SNX25: variants seen among roughly 807,000 people sequenced by gnomAD.
SNX25 encodes the protein sorting nexin-25.
SNX25 carries 62 observed loss-of-function variants against 113.7 expected under a neutral mutation model. That is an observed-to-expected ratio of 0.55 (90% CI 0.44 to 0.67). The LOEUF (loss-of-function observed/expected upper bound fraction) is 0.67, where lower values mean the gene tolerates loss of function less well. SNX25 is among the 30% of genes least tolerant of loss of function. The pLI, the probability that SNX25 is intolerant of heterozygous loss-of-function variation, is 0.00. For synonymous variants in SNX25, 421 were observed against 436.2 expected (o/e 0.97, Z 0.43); for missense variants, 1,014 against 1,161.0 (o/e 0.87, Z 1.84).
At chr4:185,361,893 C>T (rs1385003462) in intron 16 of SNX25, 31 bp from the exon 17 acceptor site, 2 of 1,608,366 alleles carry the variant, frequency 1.2e-6, no homozygotes, top group Non-Finnish European at 1.7e-6. Flanking sequence ...TTTTTAAAAA[C>T]CTCATCCAAG....
chr4:185,207,594 A>G (rs538225355), upstream of SNX25: 21 of 152,166 alleles, frequency 1.4e-4, no homozygotes, highest in Admixed American at 9.2e-4. Flanking sequence ...GTAATATGAG[A>G]TGAGTAAATC....
intron 1 of SNX25, among the ~76,000 whole-genome samples, chr4:185,239,722 T>G (rs183916278): frequency 0.014 from 2,159 of 151,414 alleles, 42 homozygotes; most frequent in African/African-American, 0.045. Context: ...CGGTTTTTTT[T>G]TGTGTGTGTT....
At chr4:185,312,121 C>T (rs896520059) in intron 7 of SNX25, among the ~76,000 whole-genome samples, 7 of 152,124 alleles carry the variant, frequency 4.6e-5, no homozygotes, top group African/African-American at 1.7e-4. Context: ...TTTCTAGCCA[C>T]ATTTATTGTA....
intron 6 of SNX25, among the ~76,000 whole-genome samples, chr4:185,296,784 C>A (rs1047012770): frequency 2.0e-5 from 3 of 152,154 alleles, no homozygotes; most frequent in Non-Finnish European, 2.9e-5. Flanking sequence ...TTAGTTTGCT[C>A]GCAAAATTTT....
At chr4:185,223,295 C>G (rs535784801) in intron 1 of SNX25, among the ~76,000 whole-genome samples, 40 of 152,160 alleles carry the variant, frequency 2.6e-4, no homozygotes, top group Non-Finnish European at 4.9e-4. Context: ...TCCCTTCTAT[C>G]CTTTTATTTT....
intron 13 of SNX25, among the ~76,000 whole-genome samples, chr4:185,347,653 T>C (rs2126735226): frequency 6.6e-6 from 1 of 152,246 alleles, no homozygotes. Context: ...GTATTTTTAG[T>C]AGAGACGGGG....
chr4:185,310,368 GA>G (rs1311133575), intron 6 of SNX25, among the ~76,000 whole-genome samples: 2 of 152,220 alleles, frequency 1.3e-5, no homozygotes, highest in Non-Finnish European at 2.9e-5. Context: ...ACAGATTTGT[GA>G]GTGCATTTGT....
chr4:185,303,638 G>A (rs1008328694), intron 6 of SNX25, among the ~76,000 whole-genome samples: 2 of 133,494 alleles, frequency 1.5e-5, no homozygotes, highest in Non-Finnish European at 3.1e-5. Flanking sequence ...CAGCCTGGGC[G>A]ACAGAGCGAG....
At chr4:185,344,475 G>T (rs1579867537) in intron 12 of SNX25, among the ~76,000 whole-genome samples, 1 of 152,152 alleles carries the variant, frequency 6.6e-6, no homozygotes, top group African/African-American at 2.4e-5. Context: ...AAGGAGCGTG[G>T]TGTGCGCTTA....
Position 185,351,465 on chromosome 4 carries a change from A to G in SNX25, c.2322A>G (p.Arg774=), listed in dbSNP as rs771590440. The G allele has an allele frequency of 7.4e-5, 120 of 1,613,830 alleles. 2 individuals are homozygous for G. In the South Asian group the frequency reaches 1.3e-3, roughly 17 times the overall value. The change falls in exon 14 of 19, where the codon AGA becomes AGG. Residue 774 remains arginine, a synonymous_variant. Coordinates refer to ENST00000652585, the MANE Select transcript of SNX25 (RefSeq NM_001378034.2). ...CATAGAATCTGCTTTCAGATGAAAGACTGTGTCAGAGTGAAGCACTTTATG... is the reference window on the plus strand; with the variant it reads ...CATAGAATCTGCTTTCAGATGAAAGGCTGTGTCAGAGTGAAGCACTTTATG... The part of the protein sequence containing the change: ...KFLQNLLSDE[R]LCQSEALYAF...
intron 6 of SNX25, among the ~76,000 whole-genome samples, chr4:185,301,895 C>A (rs528504403): frequency 2.1e-5 from 3 of 145,916 alleles, no homozygotes; most frequent in African/African-American, 7.6e-5. Flanking sequence ...CCCTTAGTCA[C>A]ACGTTTTTTC....
At chr4:185,243,606 CA>C (rs956527255) in intron 1 of SNX25, among the ~76,000 whole-genome samples, 5 of 152,244 alleles carry the variant, frequency 3.3e-5, no homozygotes, top group East Asian at 1.9e-4. Flanking sequence ...TATCAAAAAA[CA>C]AAAAAACCCC....
At chr4:185,259,965 G>A (rs1747047776) in intron 3 of SNX25, among the ~76,000 whole-genome samples, 1 of 151,908 alleles carries the variant, frequency 6.6e-6, no homozygotes, top group African/African-American at 2.4e-5. Context: ...TCAGGTTTAC[G>A]AGGCCAAAAT....
intron 2 of SNX25, among the ~76,000 whole-genome samples, chr4:185,254,666 C>A (rs1249718141): frequency 6.6e-6 from 1 of 152,140 alleles, no homozygotes; most frequent in Non-Finnish European, 1.5e-5. Context: ...TACTTTGTTA[C>A]CCTAAATCCT....
At chr4:185,293,141 A>G (rs1036279693) in intron 6 of SNX25, among the ~76,000 whole-genome samples, 2 of 152,216 alleles carry the variant, frequency 1.3e-5, no homozygotes, top group African/African-American at 2.4e-5. Context: ...CTAAAGTGAA[A>G]GAGATAAGAA....
intron 1 of SNX25, among the ~76,000 whole-genome samples, chr4:185,230,703 G>A (rs919746570): frequency 6.6e-6 from 1 of 151,998 alleles, no homozygotes; most frequent in South Asian, 2.1e-4. Context: ...CTGGCCCAGG[G>A]ATCATAATCT....
chr4:185,276,960 G>C (rs1749790469), intron 5 of SNX25, among the ~76,000 whole-genome samples: 1 of 152,222 alleles, frequency 6.6e-6, no homozygotes, highest in South Asian at 2.1e-4. Context: ...AGAAGGGCCA[G>C]AGATGAGGCT....
At chr4:185,345,514 G>T (rs1350226520) in intron 12 of SNX25, among the ~76,000 whole-genome samples, 2 of 152,116 alleles carry the variant, frequency 1.3e-5, no homozygotes. Context: ...CAGTAATAAG[G>T]CCAGGAGTGG....
In SNX25 at chr4:185,352,141, A is replaced by G. The variant is rs574518834; in HGVS notation, c.2466+532A>G. ...AGGATGATCTGGCAATGGTATGTGG[A>G]TAAGGGAAAGTATAGAGCCTGCAGA... On this transcript the variant is annotated intron_variant, in intron 14 of 18. Coordinates refer to ENST00000652585, the MANE Select transcript of SNX25 (RefSeq NM_001378034.2). Among the ~76,000 whole-genome samples, 4 of 152,180 alleles carry G rather than the reference A, an allele frequency of 2.6e-5. No homozygotes were observed. The East Asian group carries it at 7.7e-4, about 29-fold the overall frequency.
Sources: gnomAD v4.1 joint callset for allele counts (sites outside exome capture counted in the v4.1 genomes callset) on GRCh38, gnomAD v4.1.1 for gene constraint, MANE v1.5 for transcripts, NCBI Gene and HGNC (gene_info 2026-07-23, HGNC 2026-07-21) for gene names.